The following ADARB2 variants were observed in gnomAD, a reference collection of about 807,000 sequenced individuals.
ADARB2 encodes the protein inactive double-stranded RNA-specific editase B2.
Under a neutral mutation model 62.2 loss-of-function variants are expected in ADARB2, and 25 were observed. The ratio of observed to expected loss-of-function variants is 0.40; its 90% CI spans 0.29 to 0.56. The LOEUF (loss-of-function observed/expected upper bound fraction) is 0.56, where lower values mean the gene tolerates loss of function less well. Ranked by LOEUF, ADARB2 falls within the 20% of genes least tolerant of loss-of-function variation. The pLI, the probability that ADARB2 is intolerant of heterozygous loss-of-function variation, is 0.43. For synonymous variants in ADARB2, 572 were observed against 500.8 expected (o/e 1.14, Z -1.90); for missense variants, 1,071 against 1,077.4 (o/e 0.99, Z 0.08).
chr10:1,676,686 TTAATGGGAATGAAAGAA>T (rs1198997117), intron 1 of ADARB2, among the ~76,000 whole-genome samples: 1 of 152,202 alleles, frequency 6.6e-6, no homozygotes, highest in Non-Finnish European at 1.5e-5. Context: ...GTTTAGAAGT[TTAATGGGAATGAAAGAA>T]GAGGGTCTTA....
chr10:1,182,227 A>C lies in ADARB2; in HGVS notation c.*966T>G, dbSNP rs984597133. On this transcript the variant is annotated 3_prime_UTR_variant, in exon 10 of 10. Transcript: ENST00000381312. ...ATTTGATCAAAGACTTGGTCTCCTTATTACCTGGTAGGGAGGTTATAGGGT... is the reference window on the plus strand; with the variant it reads ...ATTTGATCAAAGACTTGGTCTCCTTCTTACCTGGTAGGGAGGTTATAGGGT... 3 of 152,268 alleles carry C rather than the reference A, an allele frequency of 2.0e-5. No individual in the cohort carries two copies. Among genetic ancestry groups the C allele is most frequent in the Non-Finnish European group, 4.4e-5 (3 of 68,052 alleles). 9.4% of individuals were successfully genotyped at this position (152,268 alleles called of 1,614,324 possible).
chr10:1,496,462 C>T (rs1831694052), intron 1 of ADARB2, among the ~76,000 whole-genome samples: 1 of 151,992 alleles, frequency 6.6e-6, no homozygotes, highest in Non-Finnish European at 1.5e-5. Context: ...TCAACATTAT[C>T]ACCACCATCA....
At chr10:1,293,244 CG>C (rs1181404013) in intron 3 of ADARB2, among the ~76,000 whole-genome samples, 7 of 61,004 alleles carry the variant, frequency 1.1e-4, no homozygotes, top group South Asian at 7.9e-4. Context: ...GAGAGAGGGA[CG>C]GGGGGAGAGG....
chr10:1,327,596 A>ACAGCGCCTCCTCACTGCC (rs1831880854), intron 3 of ADARB2, among the ~76,000 whole-genome samples: 1 of 55,668 alleles, frequency 1.8e-5, no homozygotes, highest in Admixed American at 1.6e-4. Context: ...TCCTCACTGC[A>ACAGCGCCTCCTCACTGCC]CAGCGCCTCC....
At chr10:1,660,964 C>T (rs569741415) in intron 1 of ADARB2, among the ~76,000 whole-genome samples, 16 of 151,996 alleles carry the variant, frequency 1.1e-4, no homozygotes, top group Admixed American at 2.0e-4. Flanking sequence ...TGAGATAAAC[C>T]CCCCCTCTGA....
intron 3 of ADARB2, among the ~76,000 whole-genome samples, chr10:1,359,594 G>A (rs1336971800): frequency 6.6e-6 from 1 of 152,200 alleles, no homozygotes; most frequent in Non-Finnish European, 1.5e-5. Flanking sequence ...TAAGGAAGCT[G>A]ATATTGTGAA....
chr10:1,338,603 A>G (rs896728559), intron 3 of ADARB2, among the ~76,000 whole-genome samples: 24 of 152,208 alleles, frequency 1.6e-4, no homozygotes, highest in Admixed American at 1.5e-3. Flanking sequence ...TGGACCAGCT[A>G]GTTCTCAATT....
intron 1 of ADARB2, among the ~76,000 whole-genome samples, chr10:1,465,163 T>A (rs1283233226): frequency 6.6e-6 from 1 of 152,174 alleles, no homozygotes; most frequent in Admixed American, 6.5e-5. Context: ...TTATGTGTCC[T>A]TCTCAAAATG....
chr10:1,294,686 C>T (rs1186150921), intron 3 of ADARB2, among the ~76,000 whole-genome samples: 1 of 152,170 alleles, frequency 6.6e-6, no homozygotes, highest in East Asian at 1.9e-4. Context: ...AACGTCAAAG[C>T]TTTGCTGAGC....
chr10:1,485,574 C>T (rs961524692), intron 1 of ADARB2, among the ~76,000 whole-genome samples: 11 of 152,164 alleles, frequency 7.2e-5, no homozygotes, highest in East Asian at 1.9e-4. Flanking sequence ...GTCCACCAAG[C>T]GTCCCAGGTC....
At chr10:1,617,451 T>C (rs1266471011) in intron 1 of ADARB2, among the ~76,000 whole-genome samples, 23 of 55,204 alleles carry the variant, frequency 4.2e-4, no homozygotes, top group East Asian at 1.6e-3. Context: ...CCTCAGAGGG[T>C]TGCATTCTGT....
In ADARB2 at chr10:1,704,622, G is replaced by A. The variant is rs1428068789; in HGVS notation, c.100+32429C>T. On this transcript the variant is annotated intron_variant, in intron 1 of 9. Coordinates refer to ENST00000381312, the MANE Select transcript of ADARB2 (RefSeq NM_018702.4). This position sits in a 1 kb window ranked among gnomAD's most constrained non-coding sequence, Gnocchi z 5.6. The stretch of plus-strand genomic sequence containing the variant: ...GGTCCTGGACCAGTACCAGTCCTTG[G>A]CCCGGGGGCTGGAGACGTCTGAGTT... Among the ~76,000 whole-genome samples the A allele has an allele frequency of 6.6e-6, 1 of 152,204 alleles. No individual in the cohort carries two copies. The highest frequency in any genetic ancestry group is 1.5e-5 in the Non-Finnish European group (1 of 68,038).
intron 1 of ADARB2, among the ~76,000 whole-genome samples, chr10:1,445,168 T>A (rs932654016): frequency 7.0e-6 from 1 of 142,634 alleles, no homozygotes; most frequent in South Asian, 2.4e-4. Context: ...TCTACATTCA[T>A]GTTTTCATTC....
At chr10:1,594,950 C>A (rs940607736) in intron 1 of ADARB2, among the ~76,000 whole-genome samples, 19 of 152,198 alleles carry the variant, frequency 1.2e-4, no homozygotes, top group Non-Finnish European at 2.4e-4. Flanking sequence ...CTGCCTCCCC[C>A]ATCTCTGCTG....
chr10:1,295,237 AC>A (rs2131813893), intron 3 of ADARB2, among the ~76,000 whole-genome samples: 1 of 152,220 alleles, frequency 6.6e-6, no homozygotes, highest in South Asian at 2.1e-4. Context: ...TGTGAATGTG[AC>A]ATGGGATGTG....
At position 1,363,100 on chromosome 10, in the gene ADARB2, TGCGGCCTGC is replaced by T; in HGVS notation, c.996_1004del (p.Gln333_Ala335del). 6.6e-7 allele frequency: 1 copy of T among 1,520,906 alleles called. No homozygotes were observed. Among genetic ancestry groups the T allele is most frequent in the Non-Finnish European group, 8.8e-7 (1 of 1,142,558 alleles). 94.2% of individuals were successfully genotyped at this position (1,520,906 alleles called of 1,614,324 possible). A position where few individuals can be genotyped will look rare whatever the true frequency, so the allele number is the denominator to read the frequency against. On this transcript the variant is annotated inframe_deletion, in exon 3 of 10. Coordinates refer to ENST00000381312, the MANE Select transcript of ADARB2 (RefSeq NM_018702.4). The stretch of plus-strand genomic sequence containing the variant: ...TCTGGATGTCGAACAGCTCCTGCAG[TGCGGCCTGC>T]GCGGCCTGACCCCGGGCCAGCTTCT...
intron 1 of ADARB2, among the ~76,000 whole-genome samples, chr10:1,523,472 C>G (rs1244329883): frequency 6.6e-6 from 1 of 152,280 alleles, no homozygotes; most frequent in African/African-American, 2.4e-5. Flanking sequence ...CATCCCACCC[C>G]CTCACATTAG....
intron 4 of ADARB2, among the ~76,000 whole-genome samples, chr10:1,242,665 G>A (rs1385286196): frequency 6.6e-6 from 1 of 152,300 alleles, no homozygotes; most frequent in Non-Finnish European, 1.5e-5. Flanking sequence ...TGCTAGCTGC[G>A]GCCTGGGCTT....
chr10:1,356,523 C>A (rs1225424459), intron 3 of ADARB2, among the ~76,000 whole-genome samples: 3 of 152,220 alleles, frequency 2.0e-5, no homozygotes, highest in Admixed American at 2.0e-4. Context: ...CGAGGCTCTG[C>A]TTGTCCCCAG....
Sources: allele counts gnomAD v4.1 joint callset (sites outside exome capture counted in the v4.1 genomes callset), GRCh38; gene constraint gnomAD v4.1.1; non-coding constraint Gnocchi (gnomAD v3.1); transcripts MANE v1.5; gene names NCBI Gene and HGNC (gene_info 2026-07-23, HGNC 2026-07-21).